Variants in MBD4 observed in about 807,000 individuals in gnomAD.
MBD4 encodes the protein methyl-CpG binding domain 4, DNA glycosylase.
In MBD4, 53 loss-of-function variants were observed where a neutral mutation model predicts 60.2. The observed-to-expected ratio is 0.88, with a 90% CI of 0.71 to 1.11. MBD4 has a LOEUF of 1.11. Ranked by LOEUF, MBD4 falls within the 50% of genes least tolerant of loss-of-function variation. The probability of loss-of-function intolerance (pLI) is 0.00; values close to 1 mark genes in which losing one functional copy is unlikely to be tolerated. For synonymous variants in MBD4, 231 were observed against 229.8 expected (o/e 1.01, Z -0.05); for missense variants, 619 against 674.0 (o/e 0.92, Z 0.90).
intron 3 of MBD4, among the ~76,000 whole-genome samples, chr3:129,435,991 TAGTA>T (rs1188693300): frequency 4.6e-5 from 7 of 152,218 alleles, no homozygotes; most frequent in Non-Finnish European, 8.8e-5. Context: ...TCACACTTAG[TAGTA>T]AGTATCAGGA....
Position 129,436,878 on chromosome 3 carries a change from C to A in MBD4, c.766G>T (p.Gly256Cys). 1 of 1,614,160 alleles carries A rather than the reference C, an allele frequency of 6.2e-7. No homozygotes were observed. Among genetic ancestry groups the A allele is most frequent in the Non-Finnish European group, 8.5e-7 (1 of 1,180,020 alleles). ...CTTTTGCTATCACTTTGAACAAAAC[C>A]TGAACAGCTCTTCCTACATCCTTTT... is the stretch of plus-strand genomic sequence containing the variant. Reference protein sequence around the residue: ...TKKGCRKSCSGFVQSDSKRES... With the variant: ...TKKGCRKSCSCFVQSDSKRES... Residue 256 changes from glycine (G) to cysteine (C), a missense_variant, in exon 3 of 8, where the codon GGT (glycine) becomes TGT (cysteine). Coordinates refer to ENST00000429544, the MANE Select transcript of MBD4 (RefSeq NM_001276270.2).
In MBD4 at chr3:129,437,257, G is replaced by T. The variant is rs1447801266; in HGVS notation, c.387C>A (p.His129Gln). ...RSKSSLANYL[H>Q]KNGETSLKPE... ...GCTTAAGAGAAGTCTCTCCATTTTT[G>T]TGAAGATAATTAGCAAGTGAACTTT... Residue 129 changes from histidine to glutamine, a missense_variant, in exon 3 of 8, where the codon CAC (histidine) becomes CAA (glutamine). Transcript: ENST00000429544. 6 of 1,610,638 alleles carry T rather than the reference G, an allele frequency of 3.7e-6. No individual in the cohort carries two copies. The highest frequency in any genetic ancestry group is 1.7e-4 in the Middle Eastern group (1 of 6,046).
Position 129,433,842 on chromosome 3 carries a change from C to T in MBD4, c.1393+8G>A, listed in dbSNP as rs759680995. 1 of 1,614,020 alleles carries T rather than the reference C, an allele frequency of 6.2e-7. No homozygotes were observed. The highest frequency in any genetic ancestry group is 8.5e-7 in the Non-Finnish European group (1 of 1,179,972). ...CTACTAAGACAAAGATGATAATAAT[C>T]CCCAAACCTGAGGTCCGATTGAGAA... is the stretch of plus-strand genomic sequence containing the variant. On this transcript the variant is annotated splice_region_variant and intron_variant, in intron 5 of 7. Coordinates refer to ENST00000429544, the MANE Select transcript of MBD4 (RefSeq NM_001276270.2).
At chr3:129,435,961 A>G (rs2072451162) in intron 3 of MBD4, among the ~76,000 whole-genome samples, 1 of 152,266 alleles carries the variant, frequency 6.6e-6, no homozygotes, top group African/African-American at 2.4e-5. Context: ...ACTATGATAT[A>G]TACAAAATTA....
chr3:129,432,192 T>C, intron 7 of MBD4: 1 of 1,390,826 alleles, frequency 7.2e-7, no homozygotes, highest in South Asian at 1.5e-5. Context: ...TGGTGTACTT[T>C]TGACAGGAGG....
chr3:129,436,794 GCTGA>G lies in MBD4; in HGVS notation c.846_849del (p.Gln283LeufsTer19), dbSNP rs1159509898. 2 of 1,613,924 alleles carry G rather than the reference GCTGA, an allele frequency of 1.2e-6. No individual in the cohort carries two copies. Among genetic ancestry groups the G allele is most frequent in the Non-Finnish European group, 1.7e-6 (2 of 1,180,010 alleles). ...TCAGAAATGCAGACAGTTCTATCAA[GCTGA>G]CTTTTTTGTGCAACAGGTTCACTTT... On this transcript the variant is annotated frameshift_variant, in exon 3 of 8. Transcript: ENST00000429544. LOFTEE classifies it high-confidence loss of function.
chr3:129,439,896 A>G lies in MBD4; in HGVS notation c.-63T>C. 8.5e-7 allele frequency: 1 copy of G among 1,177,480 alleles called. No individual in the cohort carries two copies. 72.9% of individuals were successfully genotyped at this position (1,177,480 alleles called of 1,614,324 possible). On this transcript the variant is annotated 5_prime_UTR_variant, in exon 1 of 8. Transcript: ENST00000429544. ...CAACGCCCAGGGTGTGGGGCGGAGT[A>G]AGATGTGAAACCTCTTCAGCTCACG...
chr3:129,439,883 T>C lies in MBD4; in HGVS notation c.-50A>G. The stretch of plus-strand genomic sequence containing the variant: ...GAGCCCAGCGCCGCAACGCCCAGGG[T>C]GTGGGGCGGAGTAAGATGTGAAACC... On this transcript the variant is annotated 5_prime_UTR_variant, in exon 1 of 8. Transcript: ENST00000429544. The C allele has an allele frequency of 7.8e-7, 1 of 1,284,580 alleles. No homozygotes were observed. The highest frequency in any genetic ancestry group is 1.1e-6 in the Non-Finnish European group (1 of 886,078). The allele number at this position is 1,284,580 out of a possible 1,614,324, so 79.6% of individuals were successfully genotyped here.
intron 7 of MBD4, chr3:129,432,236 T>C: frequency 3.5e-6 from 5 of 1,434,620 alleles, no homozygotes; most frequent in Non-Finnish European, 4.5e-6. Context: ...AGCACACAAA[T>C]AGGGAATGAC....
chr3:129,436,346 T>G, intron 3 of MBD4, 115 bp downstream of exon 3: 1 of 1,329,566 alleles, frequency 7.5e-7, no homozygotes, highest in Non-Finnish European at 1.0e-6. Context: ...CTTGGCTCTA[T>G]TTTCACATCT....
Position 129,436,970 on chromosome 3 carries a change from A to C in MBD4, c.674T>G (p.Phe225Cys), listed in dbSNP as rs1454289187. The change falls in exon 3 of 8, where the codon TTC (phenylalanine) becomes TGC (cysteine). Residue 225 changes from phenylalanine to cysteine, a missense_variant. Phe to Cys is a radical substitution (Grantham distance 205). Coordinates refer to ENST00000429544, the MANE Select transcript of MBD4 (RefSeq NM_001276270.2). Reference sequence around the variant, plus strand: ...TCCTTTGGGCTTTCTAACCTTTCTGAAGTTAACATCATCAACACCCTCATC... The same window carrying C: ...TCCTTTGGGCTTTCTAACCTTTCTGCAGTTAACATCATCAACACCCTCATC... ...KEDEGVDDVN[F>C]RKVRKPKGKV... 6.2e-7 allele frequency: 1 copy of C among 1,614,120 alleles called. No individual in the cohort carries two copies. The highest frequency in any genetic ancestry group is 8.5e-7 in the Non-Finnish European group (1 of 1,180,042).
rs1356089454 is a variant in MBD4, at chr3:129,437,193, T to C, written c.451A>G (p.Ile151Val). The C allele has an allele frequency of 1.9e-6, 3 of 1,614,022 alleles. No individual in the cohort carries two copies. Among genetic ancestry groups the C allele is most frequent in the Admixed American group, 1.7e-5 (1 of 60,016 alleles). ...FDFTVLSKRGIKSRYKDCSMA... is the reference protein window; with the variant it reads ...FDFTVLSKRGVKSRYKDCSMA... ...CTGCAGTCTTTATATCTTGACTTGA[T>C]ACCCCTTTTAGAAAGTACAGTAAAA... The change falls in exon 3 of 8, where the codon ATC becomes GTC. Residue 151 changes from isoleucine to valine, a missense_variant. By Grantham distance (29) the Ile-to-Val change is conservative. Transcript: ENST00000429544.
chr3:129,436,159 A>C (rs995524150), intron 3 of MBD4, among the ~76,000 whole-genome samples: 4 of 152,178 alleles, frequency 2.6e-5, no homozygotes, highest in Admixed American at 2.6e-4. Flanking sequence ...GCTGAGGAGG[A>C]GAGTCCCAGC....
At chr3:129,431,942 T>C (rs2072353102) in intron 7 of MBD4, among the ~76,000 whole-genome samples, 1 of 152,164 alleles carries the variant, frequency 6.6e-6, no homozygotes, top group Non-Finnish European at 1.5e-5. Flanking sequence ...GATAGGACCA[T>C]GGTCCTTCAG....
rs140696 is a variant in MBD4, at chr3:129,433,246, G to A, written c.1395C>T (p.Gly465=). 0.11 allele frequency: 178,028 copies of A among 1,613,452 alleles called. 11,984 individuals are homozygous for A. The highest frequency in any genetic ancestry group is 0.25 in the South Asian group (22,384 of 91,056). Residue 465 remains glycine (G), a splice_region_variant and synonymous_variant, in exon 6 of 8, where the codon GGC becomes GGT. Transcript: ENST00000429544. ...TCCAAAGCACAGGTATTGCCATTTTGCCTGGGAAGTAAAAGTAACTGAATG... is the reference window on the plus strand; with the variant it reads ...TCCAAAGCACAGGTATTGCCATTTTACCTGGGAAGTAAAAGTAACTGAATG... ...IATIFLNRTS[G]KMAIPVLWKF...
intron 6 of MBD4, 96 bp from the exon 7 acceptor site, chr3:129,432,702 G>GAGCCTTTCCTGTCCCTTTCT: frequency 8.4e-7 from 1 of 1,186,790 alleles, no homozygotes; most frequent in Non-Finnish European, 1.3e-6. Context: ...ACAGCAGAAA[G>GAGCCTTTCCTGTCCCTTTCT]GGACAGGAAA....
In MBD4 at chr3:129,439,925, C is replaced by G; in HGVS notation, c.-92G>C. The G allele has an allele frequency of 2.1e-6, 2 of 937,322 alleles. No homozygotes were observed. The highest frequency in any genetic ancestry group is 3.4e-6 in the Non-Finnish European group (2 of 587,048). 58.1% of individuals were successfully genotyped at this position (937,322 alleles called of 1,614,324 possible). ...TGTGAAACCTCTTCAGCTCACGGCACCGGGCTGCAACCGAGGTCTGAATGT... is the reference window on the plus strand; with the variant it reads ...TGTGAAACCTCTTCAGCTCACGGCAGCGGGCTGCAACCGAGGTCTGAATGT... On this transcript the variant is annotated 5_prime_UTR_variant, in exon 1 of 8. Transcript: ENST00000429544.
Position 129,436,880 on chromosome 3 carries a change from G to C in MBD4, c.764C>G (p.Ser255Ter), listed in dbSNP as rs749739092. ...KTKKGCRKSCSGFVQSDSKRE... is the reference protein window; with the variant it reads ...KTKKGCRKSC The stretch of plus-strand genomic sequence containing the variant: ...TTTGCTATCACTTTGAACAAAACCT[G>C]AACAGCTCTTCCTACATCCTTTTTT... Residue 255 changes from serine to a stop codon, truncating the protein, a stop_gained, in exon 3 of 8, where the codon TCA becomes TGA. Coordinates refer to ENST00000429544, the MANE Select transcript of MBD4 (RefSeq NM_001276270.2). LOFTEE classifies it high-confidence loss of function. The C allele has an allele frequency of 6.2e-7, 1 of 1,613,964 alleles. No homozygotes were observed. The highest frequency in any genetic ancestry group is 8.5e-7 in the Non-Finnish European group (1 of 1,179,992).
In MBD4 at chr3:129,433,304, T is replaced by A. The variant is rs965647112; in HGVS notation, c.1394-57A>T. Reference sequence around the variant, plus strand: ...GACTCCAGGTGGGCTGATTTCATGTTCAAGTAGTTTCTCATAGAAATCTCA... The same window carrying A: ...GACTCCAGGTGGGCTGATTTCATGTACAAGTAGTTTCTCATAGAAATCTCA... On this transcript the variant is annotated intron_variant, in intron 5 of 7. Coordinates refer to ENST00000429544, the MANE Select transcript of MBD4 (RefSeq NM_001276270.2). The A allele has an allele frequency of 1.7e-5, 27 of 1,572,240 alleles. No individual in the cohort carries two copies. In the Admixed American group the frequency reaches 4.5e-4, roughly 26 times the overall value.
Sources: allele counts gnomAD v4.1 joint callset (sites outside exome capture counted in the v4.1 genomes callset), GRCh38; gene constraint gnomAD v4.1.1; transcripts MANE v1.5; gene names NCBI Gene and HGNC (gene_info 2026-07-23, HGNC 2026-07-21).